Variants in ARHGEF3 observed in about 807,000 individuals in gnomAD.
ARHGEF3 encodes 59.8 kDA protein.
Under a neutral mutation model 63.2 loss-of-function variants are expected in ARHGEF3, and 28 were observed. The ratio of observed to expected loss-of-function variants is 0.44; its 90% CI spans 0.33 to 0.61. ARHGEF3 has a LOEUF of 0.61. Among genes scored for constraint, ARHGEF3 ranks in the 20% least tolerant of loss-of-function variants. ARHGEF3 has a pLI of 0.03. For missense variants in ARHGEF3, 533 were observed against 659.3 expected (o/e 0.81, Z 2.10); for synonymous variants, 266 against 254.2 (o/e 1.05, Z -0.44).
chr3:56,762,107 A>G (rs1331881207), intron 2 of ARHGEF3, among the ~76,000 whole-genome samples: 1 of 152,116 alleles, frequency 6.6e-6, no homozygotes, highest in African/African-American at 2.4e-5. Flanking sequence ...AGTTATGACA[A>G]CCAAAACACC....
rs2034431726 is a variant in ARHGEF3, at chr3:56,747,062, CACAGAGAGAGAGAG to C, written c.613-1614_613-1601del. 7.1e-5 allele frequency among the ~76,000 whole-genome samples: 9 copies of C among 125,980 alleles called. 1 individual carries two copies. The South Asian group carries it at 2.7e-3, about 38-fold the overall frequency. 82.6% of individuals were successfully genotyped at this position (125,980 alleles called of 152,430 possible). On this transcript the variant is annotated intron_variant, in intron 6 of 9. Coordinates refer to ENST00000296315, the MANE Select transcript of ARHGEF3 (RefSeq NM_019555.3). ...GTACTTATACATGCGCGCACACACA[CACAGAGAGAGAGAG>C]AGAGAGAGAGAGAGAGAGAGAACCC...
chr3:56,970,778 G>A (rs553368216), intron 2 of ARHGEF3, among the ~76,000 whole-genome samples: 59 of 152,360 alleles, frequency 3.9e-4, no homozygotes, highest in African/African-American at 1.4e-3. Context: ...AGTGCTTCCT[G>A]AGTGCTGCCA....
chr3:57,028,582 A>G (rs1703577414), intron 2 of ARHGEF3, among the ~76,000 whole-genome samples: 1 of 125,748 alleles, frequency 8.0e-6, no homozygotes, highest in African/African-American at 3.0e-5. Flanking sequence ...TGGGAGATAT[A>G]CCTAATGCTA....
chr3:56,894,867 G>A (rs887560212), intron 3 of ARHGEF3, among the ~76,000 whole-genome samples: 33 of 152,164 alleles, frequency 2.2e-4, no homozygotes, highest in African/African-American at 7.2e-4. Context: ...CCAGGTCTCC[G>A]TTTCAGACTT....
At chr3:57,069,720 T>C (rs1444579062) in intron 1 of ARHGEF3, among the ~76,000 whole-genome samples, 3 of 152,206 alleles carry the variant, frequency 2.0e-5, no homozygotes, top group African/African-American at 7.2e-5. Flanking sequence ...GCACAGCTCA[T>C]TGCAGCGTCA....
At chr3:56,799,151 C>T (rs1289033259) in intron 1 of ARHGEF3, among the ~76,000 whole-genome samples, 1 of 152,134 alleles carries the variant, frequency 6.6e-6, no homozygotes, top group Non-Finnish European at 1.5e-5. Context: ...TAAGAGAATG[C>T]TTATTTTTGC....
intron 3 of ARHGEF3, among the ~76,000 whole-genome samples, chr3:56,947,942 T>C (rs1699601667): frequency 6.6e-6 from 1 of 152,140 alleles, no homozygotes; most frequent in Non-Finnish European, 1.5e-5. Context: ...CAGACCACAG[T>C]GCAATCAAAC....
intron 2 of ARHGEF3, among the ~76,000 whole-genome samples, chr3:56,981,409 C>T (rs997083825): frequency 1.3e-5 from 2 of 152,150 alleles, no homozygotes; most frequent in Non-Finnish European, 2.9e-5. Flanking sequence ...TTGCTGCACA[C>T]TATAAAGGCA....
chr3:56,735,077 A>T (rs1339599685), intron 8 of ARHGEF3, among the ~76,000 whole-genome samples: 9 of 152,180 alleles, frequency 5.9e-5, no homozygotes, highest in Non-Finnish European at 1.3e-4. Flanking sequence ...TGAGGTCAGG[A>T]ATTCAAGAAC....
intron 3 of ARHGEF3, among the ~76,000 whole-genome samples, chr3:56,917,289 G>A (rs898784761): frequency 6.6e-6 from 1 of 152,186 alleles, no homozygotes; most frequent in Non-Finnish European, 1.5e-5. Flanking sequence ...CTCCAGTGTA[G>A]TTCTCAATTA....
chr3:56,740,759 G>A (rs2107715345), intron 7 of ARHGEF3, among the ~76,000 whole-genome samples: 1 of 152,306 alleles, frequency 6.6e-6, no homozygotes, highest in South Asian at 2.1e-4. Context: ...ATTAGTGGCT[G>A]TGACTTCTCA....
At chr3:56,927,647 C>A (rs182546852) in intron 3 of ARHGEF3, among the ~76,000 whole-genome samples, 6 of 152,264 alleles carry the variant, frequency 3.9e-5, no homozygotes, top group African/African-American at 1.2e-4. Context: ...GTATTTCCAA[C>A]CACCTGGAGG....
intron 3 of ARHGEF3, among the ~76,000 whole-genome samples, chr3:56,943,130 C>T (rs559873910): frequency 1.3e-5 from 2 of 151,958 alleles, no homozygotes; most frequent in African/African-American, 4.8e-5. Flanking sequence ...AACAGATTTT[C>T]AATGTAGATG....
chr3:57,006,200 A>G (rs1702460767), intron 2 of ARHGEF3, among the ~76,000 whole-genome samples: 1 of 152,234 alleles, frequency 6.6e-6, no homozygotes, highest in Non-Finnish European at 1.5e-5. Context: ...AAGTGTATAT[A>G]TAGAAACCAT....
chr3:56,753,396 C>A, intron 4 of ARHGEF3, 108 bp downstream of exon 4: 1 of 903,346 alleles, frequency 1.1e-6, no homozygotes, highest in Admixed American at 2.4e-5. Flanking sequence ...GGTAGCAGAC[C>A]AGTCTTAGTC....
At chr3:56,876,934 C>T (rs531426979) in intron 4 of ARHGEF3, among the ~76,000 whole-genome samples, 4 of 152,296 alleles carry the variant, frequency 2.6e-5, no homozygotes, top group Non-Finnish European at 5.9e-5. Context: ...TAGCAAGGGA[C>T]TGGTCATGCA....
At chr3:56,832,276 T>TA (rs990218232) in intron 4 of ARHGEF3, among the ~76,000 whole-genome samples, 12 of 152,360 alleles carry the variant, frequency 7.9e-5, no homozygotes, top group African/African-American at 2.9e-4. Context: ...CTGATATTCT[T>TA]ACCATTCAGA....
At chr3:56,865,879 C>A (rs2040232985) in intron 4 of ARHGEF3, among the ~76,000 whole-genome samples, 1 of 152,164 alleles carries the variant, frequency 6.6e-6, no homozygotes, top group South Asian at 2.1e-4. Flanking sequence ...TTATAACCCA[C>A]CCAGGCTATG....
intron 1 of ARHGEF3, among the ~76,000 whole-genome samples, chr3:57,045,697 TA>T (rs1315824899): frequency 6.6e-6 from 1 of 152,136 alleles, no homozygotes; most frequent in Non-Finnish European, 1.5e-5. Flanking sequence ...CTAGTGACCT[TA>T]AGAACCAGGG....
Sources: allele counts gnomAD v4.1 joint callset (sites outside exome capture counted in the v4.1 genomes callset), GRCh38; gene constraint gnomAD v4.1.1; transcripts MANE v1.5; gene names NCBI Gene and HGNC (gene_info 2026-07-23, HGNC 2026-07-21).